Variants in IQCJ observed in about 807,000 individuals in gnomAD.
The protein encoded by IQCJ is IQ domain-containing protein J.
Under a neutral mutation model 11.0 loss-of-function variants are expected in IQCJ, and 9 were observed. That is an observed-to-expected ratio of 0.82 (90% CI 0.49 to 1.43). The LOEUF is 1.43. IQCJ is among the 40% of genes most tolerant of loss of function. The pLI is 0.00. For missense variants in IQCJ, 146 were observed against 133.2 expected (o/e 1.10, Z -0.47); for synonymous variants, 55 against 51.3 (o/e 1.07, Z -0.31).
chr3:159,076,911 AC>A (rs1715959713), intron 1 of IQCJ, among the ~76,000 whole-genome samples: 1 of 152,082 alleles, frequency 6.6e-6, no homozygotes, highest in Non-Finnish European at 1.5e-5. Flanking sequence ...TGACTAAAGC[AC>A]CTTTTTAATA....
intron 1 of IQCJ, among the ~76,000 whole-genome samples, chr3:159,086,347 G>C (rs1468857832): frequency 6.6e-6 from 1 of 152,158 alleles, no homozygotes. Context: ...AAGTCAGGTA[G>C]TGTGATGCCT....
At chr3:159,171,243 C>T (rs1722472036) in intron 1 of IQCJ, among the ~76,000 whole-genome samples, 1 of 152,080 alleles carries the variant, frequency 6.6e-6, no homozygotes, top group Non-Finnish European at 1.5e-5. Context: ...ATTTATCTGT[C>T]CACATCAGTG....
chr3:159,169,476 G>A (rs1028527906), intron 1 of IQCJ, among the ~76,000 whole-genome samples: 5 of 151,100 alleles, frequency 3.3e-5, no homozygotes, highest in East Asian at 1.9e-4. Flanking sequence ...TAGTAGAGGC[G>A]GGGTGGTTTC....
chr3:159,166,881 C>G (rs1406603462), intron 1 of IQCJ, among the ~76,000 whole-genome samples: 1 of 152,150 alleles, frequency 6.6e-6, no homozygotes, highest in Non-Finnish European at 1.5e-5. Context: ...TTGGGAGTGG[C>G]CGCTGGTAAG....
At chr3:159,241,014 C>G (rs1186694685) in intron 1 of IQCJ, among the ~76,000 whole-genome samples, 1 of 152,158 alleles carries the variant, frequency 6.6e-6, no homozygotes, top group Non-Finnish European at 1.5e-5. Flanking sequence ...TTCACTAGTC[C>G]TAGGTTATGG....
At chr3:159,236,124 C>T (rs1158156407) in intron 1 of IQCJ, among the ~76,000 whole-genome samples, 8 of 152,070 alleles carry the variant, frequency 5.3e-5, no homozygotes, top group Non-Finnish European at 8.8e-5. Context: ...TTTAAATGAG[C>T]TGTTGATGTC....
At chr3:159,266,254 C>T (rs1728484286), downstream of IQCJ, 1 of 152,154 alleles carries the variant, frequency 6.6e-6, no homozygotes, top group South Asian at 2.1e-4. Flanking sequence ...GAAAAGAAGG[C>T]TGCATTTAGA....
chr3:159,252,448 C>T (rs1243330461), intron 2 of IQCJ, among the ~76,000 whole-genome samples: 1 of 152,164 alleles, frequency 6.6e-6, no homozygotes, highest in East Asian at 1.9e-4. Flanking sequence ...GTCCAATATG[C>T]TCCTTTTCTT....
chr3:159,257,291 AC>A (rs1727949435), intron 3 of IQCJ, among the ~76,000 whole-genome samples: 1 of 152,124 alleles, frequency 6.6e-6, no homozygotes, highest in Admixed American at 6.6e-5. Flanking sequence ...GTATTGCAGG[AC>A]CACTATTTTC....
At chr3:159,126,760 A>G (rs565079807) in intron 1 of IQCJ, among the ~76,000 whole-genome samples, 1 of 152,296 alleles carries the variant, frequency 6.6e-6, no homozygotes, top group South Asian at 2.1e-4. Flanking sequence ...CCAGGAGCAC[A>G]TTGACCTTCT....
intron 3 of IQCJ, among the ~76,000 whole-genome samples, chr3:159,262,229 C>G (rs964344615): frequency 2.6e-5 from 4 of 152,230 alleles, no homozygotes; most frequent in Non-Finnish European, 5.9e-5. Flanking sequence ...AATTTGTTGT[C>G]TCATAAATCA....
chr3:159,234,563 G>C lies in IQCJ; in HGVS notation c.10-11280G>C, dbSNP rs187008424. Among the ~76,000 whole-genome samples, 3 of 152,278 alleles carry C rather than the reference G, an allele frequency of 2.0e-5. No individual in the cohort carries two copies. In the East Asian group the frequency reaches 5.8e-4, roughly 29 times the overall value. The stretch of plus-strand genomic sequence containing the variant: ...TCATGCCTGTAATCCCAGCACTTTG[G>C]GAGGCCAAGGCAAAAACATTGCTTG... On this transcript the variant is annotated intron_variant, in intron 1 of 3. Transcript: ENST00000397832.
chr3:159,139,701 C>G (rs1720492090), intron 1 of IQCJ, among the ~76,000 whole-genome samples: 1 of 152,196 alleles, frequency 6.6e-6, no homozygotes, highest in Non-Finnish European at 1.5e-5. Context: ...TGCCAGGGTG[C>G]TGCTCAACAG....
At chr3:159,188,073 C>T (rs1723475766) in intron 1 of IQCJ, among the ~76,000 whole-genome samples, 1 of 152,174 alleles carries the variant, frequency 6.6e-6, no homozygotes, top group Non-Finnish European at 1.5e-5. Flanking sequence ...GATGCCTCTG[C>T]CACCATCATT....
intron 1 of IQCJ, among the ~76,000 whole-genome samples, chr3:159,142,525 T>G (rs957456165): frequency 5.3e-5 from 8 of 152,052 alleles, no homozygotes; most frequent in Non-Finnish European, 1.0e-4. Context: ...CAAGCGATTC[T>G]CCTGCCTCAG....
intron 1 of IQCJ, among the ~76,000 whole-genome samples, chr3:159,230,265 C>A (rs1726168233): frequency 6.6e-6 from 1 of 152,102 alleles, no homozygotes; most frequent in Non-Finnish European, 1.5e-5. Context: ...TGTGTATACA[C>A]CACATTTTCT....
At chr3:159,085,835 A>T (rs1387297104) in intron 1 of IQCJ, among the ~76,000 whole-genome samples, 1 of 150,656 alleles carries the variant, frequency 6.6e-6, no homozygotes, top group Non-Finnish European at 1.5e-5. Context: ...TCAGATGAGT[A>T]GGTTGTGAAA....
chr3:159,238,589 G>A (rs530085050), intron 1 of IQCJ, among the ~76,000 whole-genome samples: 1 of 152,212 alleles, frequency 6.6e-6, no homozygotes, highest in African/African-American at 2.4e-5. Flanking sequence ...AGAGCTGAGT[G>A]GGGGAGGCAG....
intron 1 of IQCJ, among the ~76,000 whole-genome samples, chr3:159,195,536 G>A (rs950500375): frequency 6.6e-5 from 10 of 152,232 alleles, no homozygotes; most frequent in Non-Finnish European, 1.0e-4. Flanking sequence ...AAATATGCCA[G>A]ACCTGATGTC....
Sources: gnomAD v4.1 joint callset for allele counts (sites outside exome capture counted in the v4.1 genomes callset) on GRCh38, gnomAD v4.1.1 for gene constraint, MANE v1.5 for transcripts, NCBI Gene and HGNC (gene_info 2026-07-23, HGNC 2026-07-21) for gene names.